RGS7: variants seen among roughly 807,000 people sequenced by gnomAD.
RGS7 encodes regulator of G-protein signaling 7.
Under a neutral mutation model 81.1 loss-of-function variants are expected in RGS7, and 27 were observed. The ratio of observed to expected loss-of-function variants is 0.33; its 90% confidence interval spans 0.25 to 0.46. RGS7 has a LOEUF of 0.46. RGS7 is among the 20% of genes least tolerant of loss of function. The probability of loss-of-function intolerance (pLI) is 1.00; values close to 1 mark genes in which losing one functional copy is unlikely to be tolerated. For missense variants in RGS7, 396 were observed against 607.4 expected (o/e 0.65, Z 3.66); for synonymous variants, 208 against 207.7 (o/e 1.00, Z -0.01).
At chr1:241,004,362 T>C (rs925086188) in intron 3 of RGS7, among the ~76,000 whole-genome samples, 3 of 152,144 alleles carry the variant, frequency 2.0e-5, no homozygotes, top group African/African-American at 4.8e-5. Flanking sequence ...ATACTGGCAC[T>C]GTGGAGAGAC....
intron 2 of RGS7, among the ~76,000 whole-genome samples, chr1:241,161,410 TAAC>T (rs2069648304): frequency 6.6e-6 from 1 of 151,230 alleles, no homozygotes; most frequent in Non-Finnish European, 1.5e-5. Flanking sequence ...TTAATAATAA[TAAC>T]TAATAACACA....
At chr1:240,782,957 T>A (rs1017003501) in intron 18 of RGS7, among the ~76,000 whole-genome samples, 1 of 152,200 alleles carries the variant, frequency 6.6e-6, no homozygotes, top group African/African-American at 2.4e-5. Flanking sequence ...AAGACAAATA[T>A]ACTCAGAACA....
At chr1:240,946,311 A>T (rs1027775538) in intron 4 of RGS7, among the ~76,000 whole-genome samples, 17 of 152,250 alleles carry the variant, frequency 1.1e-4, no homozygotes, top group African/African-American at 4.1e-4. Context: ...TTTTTAAAGA[A>T]TTAAAATCAG....
At chr1:240,872,620 T>C (rs1664688750) in intron 6 of RGS7, among the ~76,000 whole-genome samples, 1 of 152,226 alleles carries the variant, frequency 6.6e-6, no homozygotes, top group Non-Finnish European at 1.5e-5. Flanking sequence ...TGCTGTATGA[T>C]GACAGGTACA....
At chr1:241,242,880 G>A (rs1164087056) in intron 2 of RGS7, among the ~76,000 whole-genome samples, 2 of 152,096 alleles carry the variant, frequency 1.3e-5, no homozygotes, top group Non-Finnish European at 2.9e-5. Context: ...CTGGATATTA[G>A]TCCTTTGTCA....
At chr1:240,940,839 C>A (rs1236852475) in intron 4 of RGS7, among the ~76,000 whole-genome samples, 1 of 152,122 alleles carries the variant, frequency 6.6e-6, no homozygotes, top group Non-Finnish European at 1.5e-5. Context: ...ATTCTTGACT[C>A]CTGCATCTCA....
chr1:241,089,063 C>CTCTATATATATA (rs1374552672), intron 3 of RGS7, among the ~76,000 whole-genome samples: 3 of 23,704 alleles, frequency 1.3e-4, no homozygotes, highest in Non-Finnish European at 1.5e-4. Context: ...CTCTCTCTCT[C>CTCTATATATATA]TATATATATA....
chr1:241,266,147 G>C (rs1378835305), intron 2 of RGS7, among the ~76,000 whole-genome samples: 4 of 152,152 alleles, frequency 2.6e-5, no homozygotes, highest in African/African-American at 9.7e-5. Context: ...GAATAGAGCT[G>C]ATCTGTCCAG....
chr1:240,876,975 C>A (rs981897923), intron 6 of RGS7, among the ~76,000 whole-genome samples: 3 of 151,898 alleles, frequency 2.0e-5, no homozygotes, highest in Non-Finnish European at 2.9e-5. Context: ...AAAAAACCCC[C>A]AAAAAATTCA....
intron 3 of RGS7, among the ~76,000 whole-genome samples, chr1:241,064,674 T>C (rs868838017): frequency 1.3e-5 from 2 of 151,896 alleles, no homozygotes; most frequent in Admixed American, 6.6e-5. Context: ...GGCAGTAGGA[T>C]GGCTTGAACC....
At chr1:241,039,778 A>G (rs1002959218) in intron 3 of RGS7, among the ~76,000 whole-genome samples, 7 of 152,186 alleles carry the variant, frequency 4.6e-5, no homozygotes, top group African/African-American at 1.7e-4. Context: ...CTTGAAGGCT[A>G]GCTGGTGACG....
intron 2 of RGS7, among the ~76,000 whole-genome samples, chr1:241,128,276 CAA>C (rs58934562): frequency 2.6e-5 from 3 of 115,230 alleles, no homozygotes; most frequent in Middle Eastern, 7.4e-3. Context: ...GACTCCGTCT[CAA>C]AAAAAAAAAA....
chr1:241,215,942 T>C (rs535167597), intron 2 of RGS7, among the ~76,000 whole-genome samples: 3 of 152,304 alleles, frequency 2.0e-5, no homozygotes, highest in South Asian at 2.1e-4. Context: ...TTTCAAAAAA[T>C]AGACAAACCT....
chr1:241,258,723 G>C (rs1016202281), intron 2 of RGS7, among the ~76,000 whole-genome samples: 1 of 152,112 alleles, frequency 6.6e-6, no homozygotes, highest in Admixed American at 6.6e-5. Context: ...GAAACTCTGT[G>C]AACATCACTG....
chr1:241,075,900 C>G (rs977752040), intron 3 of RGS7, among the ~76,000 whole-genome samples: 1 of 152,208 alleles, frequency 6.6e-6, no homozygotes, highest in Admixed American at 6.5e-5. Flanking sequence ...CAAGTTTACA[C>G]CAAGCTTTAC....
intron 6 of RGS7, among the ~76,000 whole-genome samples, chr1:240,915,875 T>C (rs1363433645): frequency 6.6e-6 from 1 of 151,922 alleles, no homozygotes; most frequent in Admixed American, 6.6e-5. Context: ...AGTTCATCAA[T>C]AGACTGGACA....
At chr1:240,894,639 T>A (rs1244550087) in intron 6 of RGS7, among the ~76,000 whole-genome samples, 1 of 150,662 alleles carries the variant, frequency 6.6e-6, no homozygotes. Flanking sequence ...TTTTTCCTGA[T>A]TTTTTTTTCT....
At chr1:241,274,327 C>T (rs1307242431) in intron 2 of RGS7, among the ~76,000 whole-genome samples, 4 of 152,104 alleles carry the variant, frequency 2.6e-5, no homozygotes. Flanking sequence ...TAACTAGACA[C>T]CTAATTGGTA....
At chr1:241,250,608 G>A (rs958076543) in intron 2 of RGS7, among the ~76,000 whole-genome samples, 1 of 152,166 alleles carries the variant, frequency 6.6e-6, no homozygotes, top group African/African-American at 2.4e-5. Flanking sequence ...TATTGGGTCT[G>A]CAGGCCTTTC....
Sources: gnomAD v4.1 joint callset for allele counts (sites outside exome capture counted in the v4.1 genomes callset) on GRCh38, gnomAD v4.1.1 for gene constraint, MANE v1.5 for transcripts, NCBI Gene and HGNC (gene_info 2026-07-23, HGNC 2026-07-21) for gene names.